The following EYA2 variants were observed in gnomAD, a reference collection of about 807,000 sequenced individuals.
The protein encoded by EYA2 is EYA transcriptional coactivator and phosphatase 2, also known as protein phosphatase EYA2.
Under a neutral mutation model 69.2 loss-of-function variants are expected in EYA2, and 31 were observed. The observed-to-expected ratio is 0.45, with a 90% CI of 0.34 to 0.60. The LOEUF (loss-of-function observed/expected upper bound fraction) is 0.60. Ranked by LOEUF, EYA2 falls within the 20% of genes least tolerant of loss-of-function variation. The pLI is 0.02. For synonymous variants in EYA2, 257 were observed against 279.4 expected (o/e 0.92, Z 0.80); for missense variants, 622 against 701.2 (o/e 0.89, Z 1.28).
At chr20:47,172,118 A>T (rs57908489) in intron 11 of EYA2, among the ~76,000 whole-genome samples, 29,961 of 151,108 alleles carry the variant, frequency 0.2, 8,600 homozygotes, top group African/African-American at 0.63. Context: ...AAAAAAAAAT[A>T]AAAAAAATAA....
chr20:47,063,106 A>G (rs1252749617), intron 5 of EYA2, among the ~76,000 whole-genome samples: 1 of 152,190 alleles, frequency 6.6e-6, no homozygotes, highest in African/African-American at 2.4e-5. Context: ...TTTAAAGTGT[A>G]CAACTCTGTG....
chr20:46,896,966 G>T (rs1444369414), intron 1 of EYA2, among the ~76,000 whole-genome samples: 3 of 151,880 alleles, frequency 2.0e-5, no homozygotes, highest in Non-Finnish European at 4.4e-5. Flanking sequence ...AAAACTAAAG[G>T]AAATATAAAA....
chr20:47,064,511 T>C (rs1226406225), intron 5 of EYA2, among the ~76,000 whole-genome samples: 5 of 152,252 alleles, frequency 3.3e-5, no homozygotes, highest in Non-Finnish European at 7.3e-5. Context: ...AGAAGTACAA[T>C]TGCTGAGTCA....
rs1983414799 is a variant in EYA2 at position 47,016,380 on chromosome 20, ATT to A, written c.415+88_415+89del. The A allele has an allele frequency of 4.8e-6, 5 of 1,051,092 alleles. No individual in the cohort carries two copies. The Middle Eastern group carries it at 1.1e-3, about 225-fold the overall frequency. 65.1% of individuals were successfully genotyped at this position (1,051,092 alleles called of 1,614,324 possible). A position where few individuals can be genotyped will look rare whatever the true frequency, so the allele number is the denominator to read the frequency against. Reference sequence around the variant, plus strand: ...GTCCATTCATTCATTCATTCAGCAGATTTTTTGAGCACCTACTATGTGCCAGG... The same window carrying A: ...GTCCATTCATTCATTCATTCAGCAGATTTTGAGCACCTACTATGTGCCAGG... On this transcript the variant is annotated intron_variant, in intron 5 of 15. Coordinates refer to ENST00000327619, the MANE Select transcript of EYA2 (RefSeq NM_005244.5).
chr20:47,148,278 A>G (rs2146608284), intron 10 of EYA2, among the ~76,000 whole-genome samples: 1 of 152,172 alleles, frequency 6.6e-6, no homozygotes, highest in East Asian at 1.9e-4. Flanking sequence ...TGGGTGGAAG[A>G]AAAGCCCCCA....
chr20:47,182,211 C>T lies in EYA2; in HGVS notation c.1436-1080C>T, dbSNP rs577161737. Among the ~76,000 whole-genome samples, 513 of 152,016 alleles carry T rather than the reference C, an allele frequency of 3.4e-3. 6 individuals carry two copies. The highest frequency in any genetic ancestry group is 5.0e-3 in the Admixed American group (77 of 15,278). ...TGTATTTTTAGTAGAGACGGGGTTT[C>T]ACCTTGTTGGCCAGGCTAGTCTTGA... On this transcript the variant is annotated intron_variant, in intron 14 of 15. Transcript: ENST00000327619.
At chr20:46,976,089 G>A (rs1206778) in intron 1 of EYA2, among the ~76,000 whole-genome samples, 5,388 of 152,248 alleles carry the variant, frequency 0.035, 306 homozygotes, top group African/African-American at 0.12. Flanking sequence ...AGCTGAGTGC[G>A]GCGGCTCATG....
chr20:47,151,556 C>T (rs1204217050), intron 10 of EYA2, among the ~76,000 whole-genome samples: 2 of 151,876 alleles, frequency 1.3e-5, no homozygotes, highest in African/African-American at 4.8e-5. Context: ...GTATGGAACA[C>T]GCTTCCCCAC....
chr20:47,176,105 A>C (rs1600772558), intron 12 of EYA2, among the ~76,000 whole-genome samples: 1 of 116,212 alleles, frequency 8.6e-6, no homozygotes. Flanking sequence ...TTTGAGATGG[A>C]GTCTTGCTCT....
At chr20:47,099,468 G>A (rs2032361066) in intron 9 of EYA2, among the ~76,000 whole-genome samples, 1 of 152,202 alleles carries the variant, frequency 6.6e-6, no homozygotes, top group Admixed American at 6.5e-5. Context: ...GGTGAGCTAT[G>A]ATCGCACCAC....
Position 46,990,072 on chromosome 20 carries a change from A to G in EYA2, c.62A>G (p.Lys21Arg). Residue 21 changes from lysine to arginine, a missense_variant, in exon 2 of 16, where the codon AAG becomes AGG. By Grantham distance (26) the Lys-to-Arg change is conservative (BLOSUM62 2). Coordinates refer to ENST00000327619, the MANE Select transcript of EYA2 (RefSeq NM_005244.5). The stretch of plus-strand genomic sequence containing the variant: ...AACAGCGATTGTCTGGATAAACTGA[A>G]GTTTAACCGTGCTGACGCTGCTGTG... ...TVNSDCLDKL[K>R]FNRADAAVWT... 1 of 1,613,090 alleles carries G rather than the reference A, an allele frequency of 6.2e-7. No individual in the cohort carries two copies. Among genetic ancestry groups the G allele is most frequent in the Non-Finnish European group, 8.5e-7 (1 of 1,179,084 alleles).
intron 5 of EYA2, among the ~76,000 whole-genome samples, chr20:47,051,550 G>T (rs1391924192): frequency 6.6e-6 from 1 of 152,180 alleles, no homozygotes. Context: ...TAACCTCAAG[G>T]ATGAAAGCTT....
chr20:47,063,341 ATTTT>A (rs2030969247), intron 5 of EYA2, among the ~76,000 whole-genome samples: 1 of 147,142 alleles, frequency 6.8e-6, no homozygotes, highest in African/African-American at 2.6e-5. Flanking sequence ...TGTCTGACTT[ATTTT>A]ATTTGGCATA....
chr20:47,094,212 A>G (rs2032179326), intron 8 of EYA2, among the ~76,000 whole-genome samples: 1 of 152,204 alleles, frequency 6.6e-6, no homozygotes, highest in Admixed American at 6.5e-5. Context: ...ACTAAATTTG[A>G]AAATATTTGC....
chr20:47,127,529 G>A (rs538012080), intron 9 of EYA2, among the ~76,000 whole-genome samples: 51 of 152,246 alleles, frequency 3.3e-4, no homozygotes, highest in African/African-American at 1.1e-3. Context: ...ACTTGAACCC[G>A]GGAAGCAGAG....
At chr20:47,079,860 G>A (rs1285842862) in intron 7 of EYA2, among the ~76,000 whole-genome samples, 3 of 151,960 alleles carry the variant, frequency 2.0e-5, no homozygotes, top group Non-Finnish European at 2.9e-5. Context: ...AAAAGTTTAA[G>A]TGTAGCTTAA....
chr20:46,975,433 G>T (rs1181704458), intron 1 of EYA2, among the ~76,000 whole-genome samples: 3 of 152,216 alleles, frequency 2.0e-5, no homozygotes, highest in Non-Finnish European at 4.4e-5. Flanking sequence ...ACTTTGGGAG[G>T]CCAAAGCAGG....
At chr20:46,934,682 T>C (rs982567616) in intron 1 of EYA2, among the ~76,000 whole-genome samples, 2 of 152,002 alleles carry the variant, frequency 1.3e-5, no homozygotes, top group East Asian at 2.0e-4. Flanking sequence ...AGACCGTTCA[T>C]TCAAACTTGA....
chr20:46,962,753 C>T (rs1328978659), intron 1 of EYA2, among the ~76,000 whole-genome samples: 1 of 152,244 alleles, frequency 6.6e-6, no homozygotes, highest in East Asian at 1.9e-4. Flanking sequence ...CTGATTTTCC[C>T]TTTACATGCC....
Sources: gnomAD v4.1 joint callset for allele counts (sites outside exome capture counted in the v4.1 genomes callset) on GRCh38, gnomAD v4.1.1 for gene constraint, MANE v1.5 for transcripts, NCBI Gene and HGNC (gene_info 2026-07-23, HGNC 2026-07-21) for gene names.